PDE1B: variants seen among roughly 807,000 people sequenced by gnomAD.
The protein encoded by PDE1B is dual specificity calcium/calmodulin-dependent 3',5'-cyclic nucleotide phosphodiesterase 1B.
PDE1B carries 13 observed loss-of-function variants against 66.7 expected under a neutral mutation model. The ratio of observed to expected loss-of-function variants is 0.19; its 90% CI spans 0.13 to 0.31. The LOEUF (loss-of-function observed/expected upper bound fraction) is 0.31. Ranked by LOEUF, PDE1B falls within the 10% of genes least tolerant of loss-of-function variation. The pLI is 1.00. For missense variants in PDE1B, 485 were observed against 682.3 expected (o/e 0.71, Z 3.22); for synonymous variants, 230 against 253.9 (o/e 0.91, Z 0.90).
rs1171995268 is a variant in PDE1B, at chr12:54,570,345, C to T, written c.582C>T (p.Ile194=). The stretch of plus-strand genomic sequence containing the variant: ...AGTTGCTGACTCGGCATAACCTCAT[C>T]AGCCGCTTCAAGGTTGGGCAGCATC... ...VFELLTRHNL[I]SRFKIPTVFL... The change falls in exon 6 of 16, where the codon ATC becomes ATT. Residue 194 remains isoleucine (I), a synonymous_variant. Transcript: ENST00000243052. The T allele has an allele frequency of 1.9e-6, 3 of 1,603,250 alleles. No homozygotes were observed. Among genetic ancestry groups the T allele is most frequent in the Admixed American group, 1.7e-5 (1 of 59,974 alleles).
intron 2 of PDE1B, among the ~76,000 whole-genome samples, chr12:54,565,916 C>A (rs926731919): frequency 6.6e-6 from 1 of 152,184 alleles, no homozygotes; most frequent in Non-Finnish European, 1.5e-5. Flanking sequence ...CTCCCTGACT[C>A]ATAGGGTGAC....
chr12:54,573,283 C>T lies in PDE1B; in HGVS notation c.836+35C>T, dbSNP rs149752497. The T allele has an allele frequency of 2.0e-5, 33 of 1,612,282 alleles. No homozygotes were observed. In the Admixed American group the frequency reaches 3.5e-4, roughly 17 times the overall value. ...GGGGATGTGGCAGGGGCAGGAGGGG[C>T]CAAGAGGAGGTGGGGAGGTTGCCGG... On this transcript the variant is annotated intron_variant, in intron 8 of 15. Transcript: ENST00000243052. This position sits in a 1 kb window ranked among gnomAD's most constrained non-coding sequence, Gnocchi z 5.2.
At chr12:54,558,661 G>A (rs1020876002) in intron 2 of PDE1B, among the ~76,000 whole-genome samples, 1 of 152,148 alleles carries the variant, frequency 6.6e-6, no homozygotes, top group Non-Finnish European at 1.5e-5. Flanking sequence ...AGGGCCTCTG[G>A]AATAAGAAGC....
At position 54,569,125 on chromosome 12, in the gene PDE1B, C is replaced by A. The variant is rs770422415; in HGVS notation, c.228-59C>A. 6 of 1,549,732 alleles carry A rather than the reference C, an allele frequency of 3.9e-6. No homozygotes were observed. Among genetic ancestry groups the A allele is most frequent in the African/African-American group, 2.7e-5 (2 of 73,558 alleles). ...TGTGGGGTATGGCTGGGTACAGGGT[C>A]TCTAGGCTGTGGAAGCACCTGCTGT... On this transcript the variant is annotated intron_variant, in intron 3 of 15. Transcript: ENST00000243052. This position sits in a 1 kb window ranked among gnomAD's most constrained non-coding sequence, Gnocchi z 4.4.
intron 2 of PDE1B, among the ~76,000 whole-genome samples, chr12:54,553,281 G>T (rs1045258333): frequency 6.6e-6 from 1 of 152,130 alleles, no homozygotes; most frequent in African/African-American, 2.4e-5. Context: ...TCCCAGGATG[G>T]TACAAACACC....
chr12:54,566,988 T>G lies in PDE1B; in HGVS notation c.128T>G (p.Val43Gly), dbSNP rs1957526479. The G allele has an allele frequency of 6.2e-7, 1 of 1,609,728 alleles. No homozygotes were observed. Among genetic ancestry groups the G allele is most frequent in the South Asian group, 1.1e-5 (1 of 90,578 alleles). ...GCTCCCTGCAGGCTGCGCTACATGG[T>G]GAAGCAGTTGGAGAATGGGGAGATA... ...IKLRSLLRYM[V>G]KQLENGEINI... Residue 43 changes from valine (V) to glycine (G), a missense_variant, in exon 3 of 16, where the codon GTG (valine) becomes GGG (glycine). Around this residue, in one of 4 missense-constraint regions of PDE1B, gnomAD observed 74 missense variants for 78.7 expected, o/e 0.94. Coordinates refer to ENST00000243052, the MANE Select transcript of PDE1B (RefSeq NM_000924.4).
intron 6 of PDE1B, chr12:54,571,994 C>A (rs1957624429): frequency 6.5e-6 from 1 of 153,282 alleles, no homozygotes; most frequent in African/African-American, 2.4e-5. Flanking sequence ...GGCAGACATA[C>A]CCTAAGGGCG....
intron 3 of PDE1B, among the ~76,000 whole-genome samples, 168 bp downstream of exon 3, chr12:54,567,255 A>C (rs891038290): frequency 6.6e-6 from 1 of 152,096 alleles, no homozygotes; most frequent in African/African-American, 2.4e-5. Context: ...CTGTAATCCT[A>C]GCACTTTGGA....
rs759250318 is a variant in PDE1B at position 54,577,282 on chromosome 12, C to T, written c.1565C>T (p.Pro522Leu). 3.1e-6 allele frequency: 5 copies of T among 1,614,052 alleles called. No homozygotes were observed. Among genetic ancestry groups the T allele is most frequent in the South Asian group, 2.2e-5 (2 of 91,076 alleles). ...TCCCCCTGTGAAGAAGAGGCCCCCCCATCCCCTGCCGAAGATGAACACAAC... is the reference window on the plus strand; with the variant it reads ...TCCCCCTGTGAAGAAGAGGCCCCCCTATCCCCTGCCGAAGATGAACACAAC... The part of the protein sequence containing the change: ...ELSPCEEEAP[P>L]SPAEDEHNQN... Residue 522 changes from proline to leucine, a missense_variant, in exon 15 of 16, where the codon CCA (proline) becomes CTA (leucine). By Grantham distance (98) the Pro-to-Leu change is moderately conservative. Transcript: ENST00000243052.
Position 54,575,178 on chromosome 12 carries a change from G to A in PDE1B, c.1145G>A (p.Ser382Asn). The A allele has an allele frequency of 2.5e-6, 4 of 1,613,504 alleles. No homozygotes were observed. The highest frequency in any genetic ancestry group is 1.1e-5 in the South Asian group (1 of 91,052). ...SHPTKQWLVH[S>N]RWTKALMEEF... ...CCAACCAAGCAGTGGTTGGTCCACA[G>A]CCGTTGGACCAAGGCCCTCATGGAG... is the stretch of plus-strand genomic sequence containing the variant. The change falls in exon 11 of 16, where the codon AGC becomes AAC. Residue 382 changes from serine to asparagine, a missense_variant. Coordinates refer to ENST00000243052, the MANE Select transcript of PDE1B (RefSeq NM_000924.4). This position sits in a 1 kb window ranked among gnomAD's most constrained non-coding sequence, Gnocchi z 4.0.
chr12:54,573,786 G>T lies in PDE1B; in HGVS notation c.1064+77G>T. On this transcript the variant is annotated intron_variant, in intron 10 of 15. Transcript: ENST00000243052. This position sits in a 1 kb window ranked among gnomAD's most constrained non-coding sequence, Gnocchi z 5.2. ...AACTGGGGGGGTATACACAAGGGTA[G>T]TTGGTGTGCCAGGTCTTTACCTCGC... The T allele has an allele frequency of 9.5e-7, 1 of 1,055,606 alleles. No individual in the cohort carries two copies. The highest frequency in any genetic ancestry group is 1.5e-6 in the Non-Finnish European group (1 of 678,136). The allele number at this position is 1,055,606 out of a possible 1,614,324, so 65.4% of individuals were successfully genotyped here.
chr12:54,577,280 C>T lies in PDE1B; in HGVS notation c.1563C>T (p.Pro521=). 1 of 1,613,978 alleles carries T rather than the reference C, an allele frequency of 6.2e-7. No individual in the cohort carries two copies. Among genetic ancestry groups the T allele is most frequent in the South Asian group, 1.1e-5 (1 of 91,070 alleles). The change falls in exon 15 of 16, where the codon CCC becomes CCT. Residue 521 remains proline (P), a synonymous_variant. Coordinates refer to ENST00000243052, the MANE Select transcript of PDE1B (RefSeq NM_000924.4). ...TGTCCCCCTGTGAAGAAGAGGCCCC[C>T]CCATCCCCTGCCGAAGATGAACACA... ...DELSPCEEEA[P]PSPAEDEHNQ...
chr12:54,576,132 G>A (rs1957739404), intron 13 of PDE1B, 32 bp downstream of exon 13: 1 of 1,310,394 alleles, frequency 7.6e-7, no homozygotes, highest in Non-Finnish European at 1.1e-6. Flanking sequence ...AGATATCTTG[G>A]TTCAGGAAGG....
intron 2 of PDE1B, among the ~76,000 whole-genome samples, chr12:54,555,300 G>A (rs1053767430): frequency 6.6e-6 from 1 of 152,210 alleles, no homozygotes. Flanking sequence ...TAGGCCTGAG[G>A]GTATCATCAG....
At chr12:54,562,565 T>C (rs1957437261) in intron 2 of PDE1B, among the ~76,000 whole-genome samples, 1 of 151,846 alleles carries the variant, frequency 6.6e-6, no homozygotes, top group East Asian at 1.9e-4. Context: ...AAACAGAGGG[T>C]TTGGATTAAA....
chr12:54,574,640 T>A (rs1324219459), intron 10 of PDE1B: 1 of 158,910 alleles, frequency 6.3e-6, no homozygotes, highest in African/African-American at 2.4e-5. Context: ...TGTGTGTGTC[T>A]GTGTGTGGGG....
intron 6 of PDE1B, chr12:54,571,302 G>C (rs1389167917): frequency 6.6e-6 from 1 of 152,262 alleles, no homozygotes; most frequent in Non-Finnish European, 1.5e-5. Context: ...GAGATGCTCA[G>C]CTGAAATTTT....
intron 2 of PDE1B, among the ~76,000 whole-genome samples, chr12:54,552,512 A>G (rs1422249808): frequency 1.3e-5 from 2 of 152,124 alleles, no homozygotes; most frequent in Non-Finnish European, 2.9e-5. Flanking sequence ...GGACATCCAG[A>G]CTTTCTTCAG....
intron 2 of PDE1B, among the ~76,000 whole-genome samples, chr12:54,563,285 A>G (rs1455055021): frequency 6.6e-6 from 1 of 152,184 alleles, no homozygotes; most frequent in Non-Finnish European, 1.5e-5. Context: ...TCTCTAAGCT[A>G]ACTGCATGAT....
Sources: gnomAD v4.1 joint callset for allele counts (sites outside exome capture counted in the v4.1 genomes callset) on GRCh38, gnomAD v4.1.1 for gene constraint, gnomAD v4.1.1 regional missense constraint, Gnocchi (gnomAD v3.1) non-coding constraint, MANE v1.5 for transcripts, NCBI Gene and HGNC (gene_info 2026-07-23, HGNC 2026-07-21) for gene names.